BMAL2: variants seen among roughly 807,000 people sequenced by gnomAD.
BMAL2 encodes basic helix-loop-helix ARNT-like protein 2.
chr12:27,387,385 G>C, the BMAL2 span: 4 of 1,170,364 alleles, frequency 3.4e-6, no homozygotes, highest in Non-Finnish European at 5.1e-6. Flanking sequence ...ATATTTTTAA[G>C]CTCTTTTTCT....
chr12:27,386,075 G>T, the BMAL2 span, among the ~76,000 whole-genome samples: 2 of 152,006 alleles, frequency 1.3e-5, no homozygotes, highest in African/African-American at 4.8e-5. Flanking sequence ...GTCATGTGCT[G>T]TGTGACTACT....
At chr12:27,352,838 C>T in the BMAL2 span, among the ~76,000 whole-genome samples, 20 of 152,116 alleles carry the variant, frequency 1.3e-4, no homozygotes, top group South Asian at 8.3e-4. Flanking sequence ...TCACAATAGC[C>T]GTTAAAATAA....
chr12:27,390,758 TTAAA>T, the BMAL2 span, among the ~76,000 whole-genome samples: 1 of 152,232 alleles, frequency 6.6e-6, no homozygotes, highest in African/African-American at 2.4e-5. Flanking sequence ...TTTGAATTGA[TTAAA>T]TAGTCATCTA....
At chr12:27,384,872 TATCA>T in the BMAL2 span, among the ~76,000 whole-genome samples, 1 of 152,234 alleles carries the variant, frequency 6.6e-6, no homozygotes. Context: ...GACTACTGCA[TATCA>T]ATCCTTGAAT....
chr12:27,352,702 T>C, the BMAL2 span, among the ~76,000 whole-genome samples: 2 of 152,214 alleles, frequency 1.3e-5, no homozygotes, highest in African/African-American at 4.8e-5. Context: ...CCCTGAAGGC[T>C]CTGCTAAAAG....
chr12:27,350,563 C>G, the BMAL2 span, among the ~76,000 whole-genome samples: 3 of 152,152 alleles, frequency 2.0e-5, no homozygotes, highest in South Asian at 6.2e-4. Flanking sequence ...CATAGTTGTT[C>G]TTTGGTTTAG....
At chr12:27,403,387 G>T in the BMAL2 span, 1 of 1,224,746 alleles carries the variant, frequency 8.2e-7, no homozygotes, top group African/African-American at 1.5e-5. Flanking sequence ...TGAATTGAAA[G>T]AAAGATAAAG....
At chr12:27,359,270 A>G in the BMAL2 span, among the ~76,000 whole-genome samples, 8 of 152,332 alleles carry the variant, frequency 5.3e-5, no homozygotes, top group Admixed American at 5.2e-4. Context: ...AAGAACAATG[A>G]AACACAGTGT....
the BMAL2 span, among the ~76,000 whole-genome samples, chr12:27,356,802 G>GT: frequency 6.6e-6 from 1 of 151,944 alleles, no homozygotes; most frequent in Non-Finnish European, 1.5e-5. Context: ...GTGGTGTTTG[G>GT]TTACATGAAT....
the BMAL2 span, among the ~76,000 whole-genome samples, chr12:27,342,591 G>C: frequency 6.6e-6 from 1 of 152,216 alleles, no homozygotes; most frequent in Non-Finnish European, 1.5e-5. Context: ...CTAGAGAAAA[G>C]TTTTGATGAA....
At chr12:27,392,858 G>C in the BMAL2 span, among the ~76,000 whole-genome samples, 7 of 152,244 alleles carry the variant, frequency 4.6e-5, no homozygotes, top group Non-Finnish European at 8.8e-5. Flanking sequence ...TAGTATTTTA[G>C]TCATGTTTGT....
the BMAL2 span, among the ~76,000 whole-genome samples, chr12:27,381,730 G>C: frequency 6.6e-6 from 1 of 152,188 alleles, no homozygotes. Context: ...CTTGGGTGAA[G>C]TGGAATAGAG....
At chr12:27,420,590 A>C in the BMAL2 span, 1 of 1,490,514 alleles carries the variant, frequency 6.7e-7, no homozygotes, top group South Asian at 1.4e-5. Flanking sequence ...TTTACGAAAA[A>C]CTGTCTCAAC....
the BMAL2 span, chr12:27,370,261 C>T: frequency 4.6e-6 from 7 of 1,517,912 alleles, no homozygotes; most frequent in East Asian, 9.0e-5. Context: ...GACATACTCT[C>T]TCCCCTACTT....
At chr12:27,385,180 G>A in the BMAL2 span, among the ~76,000 whole-genome samples, 1 of 152,124 alleles carries the variant, frequency 6.6e-6, no homozygotes. Flanking sequence ...TGGGCGTGGT[G>A]GCATGCGCCT....
chr12:27,400,970 T>A, the BMAL2 span, among the ~76,000 whole-genome samples: 6 of 152,136 alleles, frequency 3.9e-5, no homozygotes, highest in Admixed American at 6.6e-5. Flanking sequence ...AGAGTGTCTC[T>A]TAGCCAGTGG....
At chr12:27,420,987 C>G in the BMAL2 span, 1 of 153,924 alleles carries the variant, frequency 6.5e-6, no homozygotes, top group Non-Finnish European at 1.4e-5. Context: ...GGCTTACACA[C>G]TTTAAGAAAA....
the BMAL2 span, among the ~76,000 whole-genome samples, chr12:27,351,754 C>T: frequency 6.6e-6 from 1 of 152,184 alleles, no homozygotes; most frequent in South Asian, 2.1e-4. Context: ...TCTGACTGAC[C>T]CAGCGCTTCC....
chr12:27,400,264 C>A, the BMAL2 span, among the ~76,000 whole-genome samples: 1 of 151,980 alleles, frequency 6.6e-6, no homozygotes, highest in African/African-American at 2.4e-5. Flanking sequence ...AAGTCATAGA[C>A]CTAGTTAATC....
Sources: allele counts gnomAD v4.1 joint callset (sites outside exome capture counted in the v4.1 genomes callset), GRCh38; gene constraint gnomAD v4.1.1; transcripts MANE v1.5; gene names NCBI Gene and HGNC (gene_info 2026-07-23, HGNC 2026-07-21).